Variants in COL16A1 observed in about 807,000 individuals in gnomAD.
COL16A1 encodes the protein collagen type XVI alpha 1 chain.
In COL16A1, 189 loss-of-function variants were observed where a neutral mutation model predicts 266.3. The ratio of observed to expected loss-of-function variants is 0.71; its 90% CI spans 0.63 to 0.80. COL16A1 has a LOEUF of 0.80. Among genes scored for constraint, COL16A1 ranks in the 30% least tolerant of loss-of-function variants. The pLI, the probability that COL16A1 is intolerant of heterozygous loss-of-function variation, is 0.00. For missense variants in COL16A1, 1,928 were observed against 2,122.4 expected (o/e 0.91, Z 1.80); for synonymous variants, 740 against 782.3 (o/e 0.95, Z 0.90).
chr1:31,690,301 C>G, intron 22 of COL16A1, 66 bp downstream of exon 22: 1 of 1,607,802 alleles, frequency 6.2e-7, no homozygotes. Context: ...CCTTGATGCT[C>G]ACTGTCATGT....
chr1:31,672,444 G>T lies in COL16A1; in HGVS notation c.3077C>A (p.Pro1026Gln). Reference sequence around the variant, plus strand: ...TTCTCCTCTCTGGCCTGGCAATCCCGGAGGACCAGGTAGGCCTGGGCTCCC... The same window carrying T: ...TTCTCCTCTCTGGCCTGGCAATCCCTGAGGACCAGGTAGGCCTGGGCTCCC... Reference protein sequence around the residue: ...CVGSPGLPGPPGLPGQRGEEG... With the variant: ...CVGSPGLPGPQGLPGQRGEEG... The change falls in exon 47 of 71, where the codon CCG becomes CAG. Residue 1026 changes from proline to glutamine, a missense_variant. Around this residue, in one of 2 missense-constraint regions of COL16A1, gnomAD observed 1,552 missense variants for 1,637.2 expected, o/e 0.95. Coordinates refer to ENST00000373672, the MANE Select transcript of COL16A1 (RefSeq NM_001856.4). 6.2e-7 allele frequency: 1 copy of T among 1,614,144 alleles called. No homozygotes were observed. Among genetic ancestry groups the T allele is most frequent in the East Asian group, 2.2e-5 (1 of 44,882 alleles).
intron 52 of COL16A1, 74 bp from the exon 53 acceptor site, chr1:31,666,155 G>A: frequency 6.8e-7 from 1 of 1,474,598 alleles, no homozygotes; most frequent in Non-Finnish European, 9.3e-7. Flanking sequence ...ATGTGACAGG[G>A]GACTGCCCAG....
chr1:31,691,854 TTTCTGTCCCC>T, intron 17 of COL16A1, 141 bp downstream of exon 17: 1 of 1,361,496 alleles, frequency 7.3e-7, no homozygotes, highest in Non-Finnish European at 1.0e-6. Context: ...CTCAGGTCCT[TTTCTGTCCCC>T]TTCTTGCTGT....
In COL16A1 at chr1:31,660,652, A is replaced by G; in HGVS notation, c.3826-14T>C. The G allele has an allele frequency of 6.2e-7, 1 of 1,613,910 alleles. No homozygotes were observed. Among genetic ancestry groups the G allele is most frequent in the Non-Finnish European group, 8.5e-7 (1 of 1,179,842 alleles). ...ACCAGGTTCACCCTGCAGGAGCCAG[A>G]AAAAGGAAAAAATGACACTGAAACT... On this transcript the variant is annotated splice_polypyrimidine_tract_variant and intron_variant, in intron 61 of 70. Coordinates refer to ENST00000373672, the MANE Select transcript of COL16A1 (RefSeq NM_001856.4).
At chr1:31,701,434 T>C in intron 2 of COL16A1, 1 of 985,400 alleles carries the variant, frequency 1.0e-6, no homozygotes, top group African/African-American at 1.7e-5. Context: ...TTTTCTGCTT[T>C]TCCTAGCTGG....
rs190860283 is a variant in COL16A1 at position 31,700,971 on chromosome 1, A to G, written c.74-856T>C. Among the ~76,000 whole-genome samples the G allele has an allele frequency of 1.2e-3, 181 of 152,292 alleles. 1 individual carries two copies. The highest frequency in any genetic ancestry group is 3.6e-3 in the African/African-American group (150 of 41,552). ...CCTCGCCCTGGGGCTGACTGAGCAG[A>G]AGTGTTGGGGGAGGTGCTACAACAG... is the stretch of plus-strand genomic sequence containing the variant. On this transcript the variant is annotated intron_variant, in intron 2 of 70. Transcript: ENST00000373672.
intron 43 of COL16A1, 46 bp from the exon 44 acceptor site, chr1:31,675,085 C>T (rs1283877384): frequency 5.6e-6 from 9 of 1,612,438 alleles, no homozygotes; most frequent in Non-Finnish European, 7.6e-6. Flanking sequence ...GGGGAAGGAA[C>T]ATGGAGACTT....
chr1:31,701,369 G>A, intron 2 of COL16A1: 1 of 985,380 alleles, frequency 1.0e-6, no homozygotes, highest in Non-Finnish European at 1.2e-6. Flanking sequence ...CATACAAGGG[G>A]CAGGCGGCCA....
At position 31,702,182 on chromosome 1, in the gene COL16A1, G is replaced by A; in HGVS notation, c.12C>T (p.Ser4=). 1 of 1,614,152 alleles carries A rather than the reference G, an allele frequency of 6.2e-7. No individual in the cohort carries two copies. The highest frequency in any genetic ancestry group is 8.5e-7 in the Non-Finnish European group (1 of 1,179,998). The change falls in exon 2 of 71, where the codon TCC becomes TCT. Residue 4 remains serine (S), a synonymous_variant. Transcript: ENST00000373672. The part of the protein sequence containing the change: MWV[S]WAPGLWLLGL... ...CGAGCAGCCACAGGCCAGGAGCCCA[G>A]GATACCCACATCCCGGTCCAAAGAG...
chr1:31,691,555 G>T, intron 18 of COL16A1, 43 bp from the exon 19 acceptor site: 2 of 1,613,930 alleles, frequency 1.2e-6, no homozygotes, highest in Non-Finnish European at 1.7e-6. Flanking sequence ...TGCCACCCCA[G>T]CCCTGCCACC....
intron 62 of COL16A1, 111 bp from the exon 63 acceptor site, chr1:31,659,075 T>A: frequency 1.0e-6 from 1 of 993,774 alleles, no homozygotes; most frequent in Non-Finnish European, 1.5e-6. Flanking sequence ...CTCCATTTCC[T>A]CTGGAAACCT....
rs570695882 is a variant in COL16A1, at chr1:31,653,300, A to G, written c.4612+299T>C. 22 of 339,218 alleles carry G rather than the reference A, an allele frequency of 6.5e-5. No individual in the cohort carries two copies. In the South Asian group the frequency reaches 9.9e-4, roughly 15 times the overall value. 21.0% of individuals were successfully genotyped at this position (339,218 alleles called of 1,614,324 possible). A position where few individuals can be genotyped will look rare whatever the true frequency, so the allele number is the denominator to read the frequency against. ...GGCTTAAGTGGCCTCTTCAAGGTGT[A>G]CAGCCAGTGAGGTGCTGAGTAGAAC... On this transcript the variant is annotated intron_variant, in intron 70 of 70. Transcript: ENST00000373672.
rs977103111 is a variant in COL16A1 at position 31,698,411 on chromosome 1, C to T, written c.390+72G>A. 66 of 1,595,924 alleles carry T rather than the reference C, an allele frequency of 4.1e-5. 1 individual carries two copies. In the Admixed American group the frequency reaches 9.5e-4, roughly 23 times the overall value. On this transcript the variant is annotated intron_variant, in intron 5 of 70. Transcript: ENST00000373672. The surrounding 1 kb of genome is among the most constrained non-coding windows in gnomAD (Gnocchi z 4.1). ...CAGGGAGACCCCAGAAGTCACAAGCCGGGATGAAAGGTGGGCTGGACTGGT... is the reference window on the plus strand; with the variant it reads ...CAGGGAGACCCCAGAAGTCACAAGCTGGGATGAAAGGTGGGCTGGACTGGT...
intron 37 of COL16A1, among the ~76,000 whole-genome samples, chr1:31,682,037 CA>C (rs1643682485): frequency 6.6e-6 from 1 of 152,186 alleles, no homozygotes; most frequent in Non-Finnish European, 1.5e-5. Context: ...TTAACATTAC[CA>C]AAAGCCCAAG....
rs1441414348 is a variant in COL16A1, at chr1:31,681,017, A to C, written c.2583+6T>G. ...GCTTCCTGCTGCCCCAAGGCACTGTACTCACTGGTGTTCCTCTGAGTCCCG... is the reference window on the plus strand; with the variant it reads ...GCTTCCTGCTGCCCCAAGGCACTGTCCTCACTGGTGTTCCTCTGAGTCCCG... On this transcript the variant is annotated splice_donor_region_variant and intron_variant, in intron 38 of 70. Transcript: ENST00000373672. 1 of 1,613,586 alleles carries C rather than the reference A, an allele frequency of 6.2e-7. No homozygotes were observed.
rs556373557 is a variant in COL16A1 at position 31,654,086 on chromosome 1, C to A, written c.4358-43G>T. On this transcript the variant is annotated intron_variant, in intron 68 of 70. Transcript: ENST00000373672. Reference sequence around the variant, plus strand: ...GGACAGGGACAGGTCAGAGGGTCCCCCAGGGACTCAGAATGACTGCAGATG... The same window carrying A: ...GGACAGGGACAGGTCAGAGGGTCCCACAGGGACTCAGAATGACTGCAGATG... 6.3e-6 allele frequency: 10 copies of A among 1,577,394 alleles called. No homozygotes were observed. The South Asian group carries it at 1.0e-4, about 16-fold the overall frequency.
Position 31,657,143 on chromosome 1 carries a change from G to T in COL16A1, c.4021-75C>A. The T allele has an allele frequency of 6.3e-7, 1 of 1,582,076 alleles. No individual in the cohort carries two copies. Among genetic ancestry groups the T allele is most frequent in the Admixed American group, 1.7e-5 (1 of 59,944 alleles). On this transcript the variant is annotated intron_variant, in intron 64 of 70. Transcript: ENST00000373672. This position sits in a 1 kb window ranked among gnomAD's most constrained non-coding sequence, Gnocchi z 6.4. Reference sequence around the variant, plus strand: ...TGTCAGATGCCTCACTTTGTACATGGGGCAAGCCCAGCCCCCTGTTCCACC... The same window carrying T: ...TGTCAGATGCCTCACTTTGTACATGTGGCAAGCCCAGCCCCCTGTTCCACC...
Position 31,672,453 on chromosome 1 carries a change from G to C in COL16A1, c.3068C>G (p.Pro1023Arg). 6.2e-7 allele frequency: 1 copy of C among 1,614,188 alleles called. No homozygotes were observed. The highest frequency in any genetic ancestry group is 8.5e-7 in the Non-Finnish European group (1 of 1,180,024). ...DPGCVGSPGL[P>R]GPPGLPGQRG... ...CTGGCCTGGCAATCCCGGAGGACCA[G>C]GTAGGCCTGGGCTCCCAACACAGCC... Residue 1023 changes from proline (P) to arginine (R), a missense_variant, in exon 47 of 71, where the codon CCT (proline) becomes CGT (arginine). Coordinates refer to ENST00000373672, the MANE Select transcript of COL16A1 (RefSeq NM_001856.4).
rs1644083429 is a variant in COL16A1 at position 31,688,154 on chromosome 1, T to G, written c.1803+313A>C. Among the ~76,000 whole-genome samples, 2 of 152,192 alleles carry G rather than the reference T, an allele frequency of 1.3e-5. No homozygotes were observed. Among genetic ancestry groups the G allele is most frequent in the African/African-American group, 4.8e-5 (2 of 41,446 alleles). On this transcript the variant is annotated intron_variant, in intron 26 of 70. Coordinates refer to ENST00000373672, the MANE Select transcript of COL16A1 (RefSeq NM_001856.4). This position sits in a 1 kb window ranked among gnomAD's most constrained non-coding sequence, Gnocchi z 4.9. The stretch of plus-strand genomic sequence containing the variant: ...AACAAGTGAATATACTTACAAGATT[T>G]GGAATAGTGCCCGGCACATCATAAG...
Sources: gnomAD v4.1 joint callset for allele counts (sites outside exome capture counted in the v4.1 genomes callset) on GRCh38, gnomAD v4.1.1 for gene constraint, gnomAD v4.1.1 regional missense constraint, Gnocchi (gnomAD v3.1) non-coding constraint, MANE v1.5 for transcripts, NCBI Gene and HGNC (gene_info 2026-07-23, HGNC 2026-07-21) for gene names.